The following IDO2 variants were observed in gnomAD, a reference collection of about 807,000 sequenced individuals.
IDO2 encodes indoleamine 2,3-dioxygenase-like 1 protein.
In IDO2, 46 loss-of-function variants were observed where a neutral mutation model predicts 45.1. The ratio of observed to expected loss-of-function variants is 1.02; its 90% CI spans 0.80 to 1.30. The LOEUF (loss-of-function observed/expected upper bound fraction) is 1.30. Ranked by LOEUF, IDO2 falls within the 50% of genes most tolerant of loss-of-function variation. The pLI, the probability that IDO2 is intolerant of heterozygous loss-of-function variation, is 0.00. For missense variants in IDO2, 544 were observed against 491.8 expected (o/e 1.11, Z -1.00); for synonymous variants, 218 against 184.9 (o/e 1.18, Z -1.45).
At chr8:39,954,053 C>G (rs192437295) in intron 2 of IDO2, among the ~76,000 whole-genome samples, 1 of 152,224 alleles carries the variant, frequency 6.6e-6, no homozygotes, top group African/African-American at 2.4e-5. Context: ...CAAAATTTTT[C>G]CGGCCATTTT....
chr8:39,981,709 C>T (rs771763399), intron 4 of IDO2, among the ~76,000 whole-genome samples: 2 of 151,888 alleles, frequency 1.3e-5, no homozygotes, highest in African/African-American at 2.4e-5. Context: ...GTTTTCCACC[C>T]GAGAAAAAAT....
intron 3 of IDO2, among the ~76,000 whole-genome samples, chr8:39,971,839 GTTC>G (rs1382219867): frequency 6.6e-6 from 1 of 151,432 alleles, no homozygotes; most frequent in African/African-American, 2.4e-5. Flanking sequence ...ACAGAGTTTC[GTTC>G]TTATTGCCCA....
At chr8:40,008,454 A>C (rs780754742) in intron 9 of IDO2, among the ~76,000 whole-genome samples, 3 of 152,200 alleles carry the variant, frequency 2.0e-5, no homozygotes, top group Non-Finnish European at 4.4e-5. Context: ...GATTAGATTC[A>C]GCTTACCTAG....
intron 8 of IDO2, among the ~76,000 whole-genome samples, chr8:39,990,232 T>C (rs1455327080): frequency 6.6e-6 from 1 of 152,198 alleles, no homozygotes; most frequent in Non-Finnish European, 1.5e-5. Context: ...CCTTTTATTC[T>C]AACCCCCTGT....
intron 8 of IDO2, among the ~76,000 whole-genome samples, chr8:40,002,566 G>C (rs1802155480): frequency 6.6e-6 from 1 of 152,130 alleles, no homozygotes; most frequent in Non-Finnish European, 1.5e-5. Context: ...AGGCTGAGGA[G>C]GGCAGATCAC....
Position 39,996,991 on chromosome 8 carries a change from TACTC to T in IDO2, c.667+7155_667+7158del, listed in dbSNP as rs1392625649. Reference sequence around the variant, plus strand: ...CAATATTTTCTTCTGCATTCACACTTACTCAGTTACACTGTTGAAAAATGCTGCT... The same window carrying T: ...CAATATTTTCTTCTGCATTCACACTTAGTTACACTGTTGAAAAATGCTGCT... On this transcript the variant is annotated intron_variant, in intron 8 of 10. Transcript: ENST00000502986. Among the ~76,000 whole-genome samples, 5 of 129,888 alleles carry T rather than the reference TACTC, an allele frequency of 3.8e-5. No individual in the cohort carries two copies. The East Asian group carries it at 1.0e-3, about 26-fold the overall frequency. The allele number at this position is 129,888 out of a possible 152,430, so 85.2% of individuals were successfully genotyped here.
intron 9 of IDO2, among the ~76,000 whole-genome samples, chr8:40,012,475 A>C (rs1157753153): frequency 6.6e-6 from 1 of 152,214 alleles, no homozygotes. Flanking sequence ...AAAAAACTCC[A>C]AAAATCTGTC....
At chr8:39,952,628 G>A (rs985755984) in intron 2 of IDO2, among the ~76,000 whole-genome samples, 6 of 152,034 alleles carry the variant, frequency 3.9e-5, no homozygotes, top group Non-Finnish European at 5.9e-5. Flanking sequence ...CGTGTGTAGA[G>A]GGGGCATGGA....
intron 2 of IDO2, among the ~76,000 whole-genome samples, chr8:39,962,591 G>C (rs1201270113): frequency 6.6e-6 from 1 of 152,180 alleles, no homozygotes; most frequent in African/African-American, 2.4e-5. Context: ...TAGGCAGGTG[G>C]ACATAGTGAA....
rs763330864 is a variant in IDO2 at position 39,979,037 on chromosome 8, C to T, written c.196-30C>T. 4 of 1,557,022 alleles carry T rather than the reference C, an allele frequency of 2.6e-6. No individual in the cohort carries two copies. In the East Asian group the frequency reaches 7.2e-5, roughly 28 times the overall value. ...TCCCCTGTCCCGGTTCCCATCCCTC[C>T]TCTGACGGCATTTGGACTTTCATGA... On this transcript the variant is annotated intron_variant, in intron 3 of 10. Coordinates refer to ENST00000502986, the Ensembl canonical transcript of IDO2.
At chr8:39,953,624 G>A (rs1192228211) in intron 2 of IDO2, among the ~76,000 whole-genome samples, 1 of 151,982 alleles carries the variant, frequency 6.6e-6, no homozygotes, top group African/African-American at 2.4e-5. Flanking sequence ...GTGCAGTGAC[G>A]CCATCTCGGC....
intron 10 of IDO2, among the ~76,000 whole-genome samples, chr8:40,014,227 C>A (rs1195056265): frequency 5.3e-5 from 8 of 152,192 alleles, no homozygotes; most frequent in African/African-American, 1.9e-4. Context: ...AAAGACACTT[C>A]ATACTATGGA....
At chr8:39,945,916 G>A (rs1259381399) in intron 1 of IDO2, among the ~76,000 whole-genome samples, 2 of 152,268 alleles carry the variant, frequency 1.3e-5, no homozygotes, top group South Asian at 4.1e-4. Context: ...AACTAACTCC[G>A]GGAGAAGCTT....
At chr8:39,989,640 T>C in intron 7 of IDO2, 81 bp from the exon 8 acceptor site, 2 of 959,676 alleles carry the variant, frequency 2.1e-6, no homozygotes, top group Non-Finnish European at 3.1e-6. Context: ...CTCCCCTGGG[T>C]TCCAACAGTA....
chr8:39,944,345 A>C (rs1187685184), intron 1 of IDO2, among the ~76,000 whole-genome samples: 1 of 152,138 alleles, frequency 6.6e-6, no homozygotes, highest in African/African-American at 2.4e-5. Flanking sequence ...GGACTACCAC[A>C]ATGTGAGTCT....
intron 2 of IDO2, among the ~76,000 whole-genome samples, chr8:39,955,291 G>C (rs973042138): frequency 5.4e-5 from 4 of 73,956 alleles, no homozygotes; most frequent in Non-Finnish European, 1.0e-4. Flanking sequence ...TTTCACTCTT[G>C]TTGCCTAGGC....
At chr8:39,990,932 G>A (rs1585413736) in intron 8 of IDO2, among the ~76,000 whole-genome samples, 1 of 152,264 alleles carries the variant, frequency 6.6e-6, no homozygotes, top group Non-Finnish European at 1.5e-5. Context: ...TATGTGTTTA[G>A]GAGGATGTGA....
At chr8:39,961,209 C>A (rs1807991879) in intron 2 of IDO2, among the ~76,000 whole-genome samples, 1 of 151,986 alleles carries the variant, frequency 6.6e-6, no homozygotes, top group Non-Finnish European at 1.5e-5. Context: ...TTGTGCTAAT[C>A]TAGGCTTCTC....
Position 39,987,787 on chromosome 8 carries a change from T to TCTAACTCGGCAGGGAACTCTGGGCA in IDO2, c.450-83_450-59dup, listed in dbSNP as rs1216759478. The TCTAACTCGGCAGGGAACTCTGGGCA allele has an allele frequency of 5.2e-6, 4 of 771,392 alleles. No individual in the cohort carries two copies. The African/African-American group carries it at 6.9e-5, about 13-fold the overall frequency. The allele number at this position is 771,392 out of a possible 1,614,324, so 47.8% of individuals were successfully genotyped here. ...GTGCAGTGATTCCACCCTGCAGTTA[T>TCTAACTCGGCAGGGAACTCTGGGCA]CTAACTCGGCAGGGAACTCTGGGCA... On this transcript the variant is annotated intron_variant, in intron 6 of 10. Coordinates refer to ENST00000502986, the Ensembl canonical transcript of IDO2.
Sources: gnomAD v4.1 joint callset for allele counts (sites outside exome capture counted in the v4.1 genomes callset) on GRCh38, gnomAD v4.1.1 for gene constraint, MANE v1.5 for transcripts, NCBI Gene and HGNC (gene_info 2026-07-23, HGNC 2026-07-21) for gene names.